Variants in TENM2 observed in about 807,000 individuals in gnomAD.
The protein encoded by TENM2 is teneurin transmembrane protein 2.
In TENM2, 52 loss-of-function variants were observed where a neutral mutation model predicts 245.2. That is an observed-to-expected ratio of 0.21 (90% CI 0.17 to 0.27). The LOEUF (loss-of-function observed/expected upper bound fraction) is 0.27, where lower values mean the gene tolerates loss of function less well. Among genes scored for constraint, TENM2 ranks in the 10% least tolerant of loss-of-function variants. The probability of loss-of-function intolerance (pLI) is 1.00; values close to 1 mark genes in which losing one functional copy is unlikely to be tolerated. For synonymous variants in TENM2, 1,363 were observed against 1,438.9 expected, an observed-to-expected ratio of 0.95 and a Z score of 1.19; for missense variants, 3,046 against 3,666.8, an observed-to-expected ratio of 0.83 and a Z score of 4.37.
At chr5:167,536,048 A>C (rs939970140) in intron 2 of TENM2, among the ~76,000 whole-genome samples, 1 of 152,182 alleles carries the variant, frequency 6.6e-6, no homozygotes, top group Non-Finnish European at 1.5e-5. Flanking sequence ...GATACTCTAT[A>C]GGCTAGTGGT....
the TENM2 span, among the ~76,000 whole-genome samples, chr5:167,273,720 C>G: frequency 6.6e-6 from 1 of 151,978 alleles, no homozygotes; most frequent in Non-Finnish European, 1.5e-5. Flanking sequence ...GTTGTCCAAG[C>G]AGAGGGTTCA....
At chr5:167,532,311 T>TTATA (rs138043787) in intron 2 of TENM2, among the ~76,000 whole-genome samples, 1 of 151,814 alleles carries the variant, frequency 6.6e-6, no homozygotes, top group Non-Finnish European at 1.5e-5. Context: ...CTCTCTCTTT[T>TTATA]TATATATATA....
At chr5:168,204,548 C>T in exon 19 of TENM2, 2 of 1,614,024 alleles carry the variant, frequency 1.2e-6, no homozygotes, top group Non-Finnish European at 1.7e-6. Flanking sequence ...CGATGGGAGC[C>T]TCTATGTGGG....
At chr5:167,894,285 T>C (rs1774997950) in intron 3 of TENM2, among the ~76,000 whole-genome samples, 2 of 152,114 alleles carry the variant, frequency 1.3e-5, no homozygotes, top group African/African-American at 4.8e-5. Flanking sequence ...AGATACAGAG[T>C]ATAGGGCAAG....
Position 167,640,837 on chromosome 5 carries a change from A to ATC in TENM2, c.503-235148_503-235147insCT, listed in dbSNP as rs1306799096. On this transcript the variant is annotated intron_variant, in intron 2 of 28. Coordinates refer to ENST00000518659, the Ensembl canonical transcript of TENM2. ...AACAAAAATAGAAATAGAAATATAT[A>ATC]TATCCATATATATATATATATCCAT... Among the ~76,000 whole-genome samples, 40 of 55,808 alleles carry ATC rather than the reference A, an allele frequency of 7.2e-4. 1 individual carries two copies. The South Asian group carries it at 0.026, about 36-fold the overall frequency. 36.6% of individuals were successfully genotyped at this position (55,808 alleles called of 152,430 possible).
At chr5:166,980,922 G>A in the TENM2 span, among the ~76,000 whole-genome samples, 1 of 152,154 alleles carries the variant, frequency 6.6e-6, no homozygotes, top group Non-Finnish European at 1.5e-5. Flanking sequence ...ACATCATAGA[G>A]CAGCAACTTG....
chr5:167,519,694 A>G (rs1445320799), intron 2 of TENM2, among the ~76,000 whole-genome samples: 1 of 152,176 alleles, frequency 6.6e-6, no homozygotes, highest in Admixed American at 6.5e-5. Context: ...AAGGCTATGG[A>G]GATTCTGAAA....
At chr5:167,797,819 G>C (rs1383807783) in intron 2 of TENM2, among the ~76,000 whole-genome samples, 2 of 152,078 alleles carry the variant, frequency 1.3e-5, no homozygotes, top group Non-Finnish European at 2.9e-5. Context: ...AAAAGGAAAG[G>C]AAAGAAAACT....
At chr5:166,982,021 T>C in the TENM2 span, among the ~76,000 whole-genome samples, 1 of 152,200 alleles carries the variant, frequency 6.6e-6, no homozygotes, top group South Asian at 2.1e-4. Flanking sequence ...AAGCTTCTTT[T>C]AACTTTTTGT....
chr5:167,118,591 C>G, the TENM2 span, among the ~76,000 whole-genome samples: 1 of 152,096 alleles, frequency 6.6e-6, no homozygotes, highest in East Asian at 1.9e-4. Context: ...ATTTATTGAT[C>G]AAAGAAAACT....
chr5:167,941,510 C>T (rs1323479584), intron 3 of TENM2, among the ~76,000 whole-genome samples: 1 of 151,954 alleles, frequency 6.6e-6, no homozygotes, highest in Non-Finnish European at 1.5e-5. Flanking sequence ...GTGCTATTTA[C>T]CTTAGAAGTA....
chr5:167,197,962 A>G, the TENM2 span, among the ~76,000 whole-genome samples: 1 of 151,910 alleles, frequency 6.6e-6, no homozygotes, highest in African/African-American at 2.4e-5. Context: ...AATGGGGAGA[A>G]AAGAAAGGAG....
At chr5:167,069,064 A>G in the TENM2 span, among the ~76,000 whole-genome samples, 1 of 152,182 alleles carries the variant, frequency 6.6e-6, no homozygotes, top group Non-Finnish European at 1.5e-5. Flanking sequence ...ATTTTTATTC[A>G]TTAGAAAGAA....
chr5:167,938,810 G>C (rs1005336565), intron 3 of TENM2, among the ~76,000 whole-genome samples: 2 of 152,106 alleles, frequency 1.3e-5, no homozygotes, highest in African/African-American at 2.4e-5. Flanking sequence ...GGGTGTGGTG[G>C]CATGCGCCTG....
chr5:167,299,904 G>T (rs1755206105), intron 1 of TENM2, among the ~76,000 whole-genome samples: 1 of 152,176 alleles, frequency 6.6e-6, no homozygotes, highest in South Asian at 2.1e-4. Context: ...TATGTGTCAG[G>T]TGGGAGGAAG....
chr5:167,122,928 C>T, the TENM2 span, among the ~76,000 whole-genome samples: 3 of 152,032 alleles, frequency 2.0e-5, no homozygotes, highest in Admixed American at 1.3e-4. Context: ...GAGAGTAACA[C>T]CTGGAGAAGT....
At chr5:167,317,323 A>C (rs1756423283) in intron 1 of TENM2, among the ~76,000 whole-genome samples, 1 of 152,028 alleles carries the variant, frequency 6.6e-6, no homozygotes, top group African/African-American at 2.4e-5. Context: ...TCTCAATTCT[A>C]AGTCAAATCA....
the TENM2 span, among the ~76,000 whole-genome samples, chr5:167,026,449 T>G: frequency 6.6e-6 from 1 of 152,218 alleles, no homozygotes; most frequent in Non-Finnish European, 1.5e-5. Flanking sequence ...CTTGTTTTTC[T>G]GATTCTGAAG....
intron 7 of TENM2, among the ~76,000 whole-genome samples, chr5:168,084,755 C>A (rs1792300135): frequency 6.6e-6 from 1 of 152,218 alleles, no homozygotes; most frequent in Admixed American, 6.5e-5. Flanking sequence ...CCCAAAGCCA[C>A]TTACAGACCA....
Sources: allele counts gnomAD v4.1 joint callset (sites outside exome capture counted in the v4.1 genomes callset), GRCh38; gene constraint gnomAD v4.1.1; transcripts MANE v1.5; gene names NCBI Gene and HGNC (gene_info 2026-07-23, HGNC 2026-07-21).